SPAG16: variants seen among roughly 807,000 people sequenced by gnomAD.
SPAG16 encodes sperm-associated antigen 16 protein.
SPAG16 carries 86 observed loss-of-function variants against 80.4 expected under a neutral mutation model. The ratio of observed to expected loss-of-function variants is 1.07; its 90% confidence interval spans 0.90 to 1.28. The LOEUF is 1.28. Among genes scored for constraint, SPAG16 ranks in the 50% most tolerant of loss-of-function variants. SPAG16 has a pLI of 0.00. For missense variants in SPAG16, 870 were observed against 765.3 expected, an observed-to-expected ratio of 1.14 and a Z score of -1.61; for synonymous variants, 294 against 265.9, an observed-to-expected ratio of 1.11 and a Z score of -1.03.
chr2:213,535,388 G>A (rs902388413), intron 10 of SPAG16, among the ~76,000 whole-genome samples: 1 of 151,978 alleles, frequency 6.6e-6, no homozygotes, highest in Non-Finnish European at 1.5e-5. Context: ...GACACAATGG[G>A]AAATATAAAA....
chr2:213,756,414 AGGAGGCAGAGGT>A (rs1385007058), intron 10 of SPAG16, among the ~76,000 whole-genome samples: 7 of 152,156 alleles, frequency 4.6e-5, no homozygotes, highest in African/African-American at 1.7e-4. Context: ...GCTTGAACCT[AGGAGGCAGAGGT>A]TGCATGCAGT....
chr2:213,326,705 A>G (rs1291209913), intron 5 of SPAG16, among the ~76,000 whole-genome samples: 1 of 152,050 alleles, frequency 6.6e-6, no homozygotes, highest in East Asian at 1.9e-4. Context: ...TGAGAAAAAT[A>G]TATGACAAAG....
At chr2:214,199,110 G>A (rs933065093) in intron 15 of SPAG16, among the ~76,000 whole-genome samples, 7 of 151,892 alleles carry the variant, frequency 4.6e-5, no homozygotes, top group African/African-American at 1.2e-4. Context: ...CATTTAATTA[G>A]GTTCCATTTA....
At chr2:213,507,906 A>G (rs1363387917) in intron 10 of SPAG16, among the ~76,000 whole-genome samples, 2 of 152,230 alleles carry the variant, frequency 1.3e-5, no homozygotes, top group African/African-American at 4.8e-5. Flanking sequence ...TCAATAGTGT[A>G]TGGTAAGAGA....
chr2:213,489,534 G>C (rs904185927), intron 9 of SPAG16, among the ~76,000 whole-genome samples: 5 of 152,062 alleles, frequency 3.3e-5, no homozygotes, highest in African/African-American at 1.2e-4. Flanking sequence ...TGTTAACTTT[G>C]TTACCCAATG....
rs535768059 is a variant in SPAG16, at chr2:213,767,631, GA to G, written c.1071-94845del. 9.2e-5 allele frequency among the ~76,000 whole-genome samples: 13 copies of G among 141,026 alleles called. No individual in the cohort carries two copies. In the South Asian group the frequency reaches 3.0e-3, roughly 32 times the overall value. 92.5% of individuals were successfully genotyped at this position (141,026 alleles called of 152,430 possible). A position where few individuals can be genotyped will look rare whatever the true frequency, so the allele number is the denominator to read the frequency against. The stretch of plus-strand genomic sequence containing the variant: ...CAATGGAGTGAGATCTTGTCTTTTT[GA>G]AAAAAAAAGAGAACAACATACTTCA... On this transcript the variant is annotated intron_variant, in intron 10 of 15. Transcript: ENST00000331683.
intron 9 of SPAG16, among the ~76,000 whole-genome samples, chr2:213,381,950 T>A (rs1213950940): frequency 2.0e-5 from 3 of 152,238 alleles, no homozygotes; most frequent in Non-Finnish European, 4.4e-5. Flanking sequence ...ATCACTGTCT[T>A]TCAGCGCTCC....
At chr2:214,143,539 C>G (rs936801155) in intron 14 of SPAG16, among the ~76,000 whole-genome samples, 1 of 152,012 alleles carries the variant, frequency 6.6e-6, no homozygotes, top group Admixed American at 6.6e-5. Flanking sequence ...AAGAATTATG[C>G]AAATGTACGA....
At chr2:213,329,943 C>G (rs577981698) in intron 5 of SPAG16, among the ~76,000 whole-genome samples, 16 of 152,356 alleles carry the variant, frequency 1.1e-4, no homozygotes, top group African/African-American at 3.8e-4. Context: ...GCTGTTGCTT[C>G]AGAGGATCGA....
chr2:214,238,862 G>C (rs995583828), intron 15 of SPAG16: 1 of 152,138 alleles, frequency 6.6e-6, no homozygotes, highest in African/African-American at 2.4e-5. Context: ...AAGGATATGT[G>C]ATATGTATTA....
chr2:214,013,107 AATT>A (rs1236159487), intron 12 of SPAG16, among the ~76,000 whole-genome samples: 2 of 152,124 alleles, frequency 1.3e-5, no homozygotes, highest in Non-Finnish European at 2.9e-5. Context: ...TTAATCCACT[AATT>A]AATTCCCAGG....
At chr2:213,305,553 G>T (rs1224039244) in intron 3 of SPAG16, among the ~76,000 whole-genome samples, 3 of 152,002 alleles carry the variant, frequency 2.0e-5, no homozygotes, top group Non-Finnish European at 4.4e-5. Flanking sequence ...TTTTTTGAGG[G>T]TTTCTATCAT....
At chr2:214,326,033 T>A (rs931233323) in intron 15 of SPAG16, among the ~76,000 whole-genome samples, 2 of 152,166 alleles carry the variant, frequency 1.3e-5, no homozygotes, top group African/African-American at 4.8e-5. Context: ...CATCCTATAA[T>A]GTGTCAATGT....
intron 9 of SPAG16, among the ~76,000 whole-genome samples, chr2:213,429,678 T>G (rs1371086526): frequency 6.6e-6 from 1 of 152,134 alleles, no homozygotes; most frequent in African/African-American, 2.4e-5. Flanking sequence ...ACCCACCTGG[T>G]ACACCACTAC....
At chr2:214,076,535 GTGTGTGTC>G (rs1355096455) in intron 13 of SPAG16, among the ~76,000 whole-genome samples, 2 of 74,162 alleles carry the variant, frequency 2.7e-5, no homozygotes, top group African/African-American at 5.1e-5. Flanking sequence ...GTGTGTGTGT[GTGTGTGTC>G]TGTGTGTGTG....
intron 10 of SPAG16, among the ~76,000 whole-genome samples, chr2:213,686,713 G>A (rs1276477027): frequency 9.6e-6 from 1 of 104,522 alleles, no homozygotes; most frequent in African/African-American, 3.7e-5. Context: ...TTGAGACAGA[G>A]TCTCGCTCTG....
chr2:213,386,840 G>T (rs1278434990), intron 9 of SPAG16, among the ~76,000 whole-genome samples: 1 of 152,048 alleles, frequency 6.6e-6, no homozygotes, highest in African/African-American at 2.4e-5. Context: ...TCTTTGTAAA[G>T]ATAACTAAAT....
At chr2:213,647,473 C>T (rs187870447) in intron 10 of SPAG16, among the ~76,000 whole-genome samples, 2 of 152,108 alleles carry the variant, frequency 1.3e-5, no homozygotes, top group South Asian at 2.1e-4. Context: ...ACTCAGGTCC[C>T]GCTGCTGGCA....
At position 213,928,983 on chromosome 2, in the gene SPAG16, C is replaced by G. The variant is rs1208436213; in HGVS notation, c.1215-977C>G. ...TTTCTGTTGGTGTCATTGACACCTA[C>G]CCATTTCTTTTCTTTTCTTTTTTTT... On this transcript the variant is annotated intron_variant, in intron 11 of 15. Coordinates refer to ENST00000331683, the MANE Select transcript of SPAG16 (RefSeq NM_024532.5). 6.9e-5 allele frequency among the ~76,000 whole-genome samples: 10 copies of G among 145,610 alleles called. No individual in the cohort carries two copies. In the Admixed American group the frequency reaches 7.0e-4, roughly 10 times the overall value.
Sources: allele counts gnomAD v4.1 joint callset (sites outside exome capture counted in the v4.1 genomes callset), GRCh38; gene constraint gnomAD v4.1.1; transcripts MANE v1.5; gene names NCBI Gene and HGNC (gene_info 2026-07-23, HGNC 2026-07-21).